DOK5: variants seen among roughly 807,000 people sequenced by gnomAD.
DOK5 encodes the protein downstream of tyrosine kinase 5.
Under a neutral mutation model 43.3 loss-of-function variants are expected in DOK5, and 27 were observed. That is an observed-to-expected ratio of 0.62 (90% CI 0.46 to 0.86). The LOEUF is 0.86. Among genes scored for constraint, DOK5 ranks in the 40% least tolerant of loss-of-function variants. The pLI is 0.00. For missense variants in DOK5, 373 were observed against 392.9 expected (o/e 0.95, Z 0.43); for synonymous variants, 146 against 140.1 (o/e 1.04, Z -0.30).
chr20:54,609,390 G>A (rs927311749), intron 5 of DOK5, among the ~76,000 whole-genome samples: 2 of 152,286 alleles, frequency 1.3e-5, no homozygotes, highest in Non-Finnish European at 1.5e-5. Flanking sequence ...GTTGGCATAT[G>A]TATGTATCAA....
chr20:54,557,909 C>T (rs1252402627), intron 2 of DOK5, among the ~76,000 whole-genome samples: 1 of 152,278 alleles, frequency 6.6e-6, no homozygotes, highest in East Asian at 1.9e-4. Flanking sequence ...CCCTCTTCCC[C>T]GCATAAAATA....
intron 4 of DOK5, 69 bp from the exon 5 acceptor site, chr20:54,591,547 T>C: frequency 1.6e-6 from 2 of 1,242,986 alleles, no homozygotes; most frequent in Non-Finnish European, 2.2e-6. Flanking sequence ...TAAATGCCTC[T>C]ATGTTCCTAC....
At chr20:54,522,340 A>G (rs1568765878) in intron 1 of DOK5, among the ~76,000 whole-genome samples, 1 of 152,198 alleles carries the variant, frequency 6.6e-6, no homozygotes, top group African/African-American at 2.4e-5. Context: ...CTTGCCATAG[A>G]CACTCAATCA....
intron 1 of DOK5, among the ~76,000 whole-genome samples, chr20:54,507,001 T>C (rs576593383): frequency 1.3e-5 from 2 of 152,326 alleles, no homozygotes; most frequent in African/African-American, 4.8e-5. Flanking sequence ...ATCTATAAAA[T>C]AGGAACATCA....
At chr20:54,648,716 C>T (rs1469227711) in intron 7 of DOK5, among the ~76,000 whole-genome samples, 1 of 152,120 alleles carries the variant, frequency 6.6e-6, no homozygotes, top group African/African-American at 2.4e-5. Flanking sequence ...TGAGGGGAAG[C>T]ATTAGAGGGT....
intron 5 of DOK5, among the ~76,000 whole-genome samples, chr20:54,593,969 G>T (rs1167891224): frequency 1.3e-5 from 2 of 152,022 alleles, no homozygotes; most frequent in East Asian, 3.9e-4. Context: ...ACATAGAAGG[G>T]AACAACACAT....
intron 2 of DOK5, among the ~76,000 whole-genome samples, chr20:54,581,698 A>G (rs1985648157): frequency 6.6e-6 from 1 of 151,900 alleles, no homozygotes; most frequent in Admixed American, 6.6e-5. Flanking sequence ...GTTTATTGTT[A>G]GTGTATAGAA....
At chr20:54,506,643 G>A (rs945669922) in intron 1 of DOK5, among the ~76,000 whole-genome samples, 22 of 152,098 alleles carry the variant, frequency 1.4e-4, no homozygotes, top group African/African-American at 5.3e-4. Flanking sequence ...CAAACTTCTT[G>A]TAGAGGCGGA....
chr20:54,625,707 T>G (rs1987112013), intron 6 of DOK5, among the ~76,000 whole-genome samples: 1 of 152,206 alleles, frequency 6.6e-6, no homozygotes, highest in Non-Finnish European at 1.5e-5. Context: ...GCAGGTGATT[T>G]CTTGGCACAG....
chr20:54,579,754 A>C (rs1985576140), intron 2 of DOK5, among the ~76,000 whole-genome samples: 1 of 152,172 alleles, frequency 6.6e-6, no homozygotes, highest in Non-Finnish European at 1.5e-5. Flanking sequence ...AGGGTGGGAT[A>C]ATAGTATATG....
chr20:54,487,765 C>T (rs984175697), intron 1 of DOK5, among the ~76,000 whole-genome samples: 10 of 152,172 alleles, frequency 6.6e-5, no homozygotes, highest in Non-Finnish European at 5.9e-5. Context: ...ATGTATATGT[C>T]ACTTCTCACC....
intron 6 of DOK5, among the ~76,000 whole-genome samples, chr20:54,634,227 G>A (rs1978708052): frequency 6.6e-6 from 1 of 151,802 alleles, no homozygotes; most frequent in Admixed American, 6.6e-5. Flanking sequence ...ATGAGGAAAG[G>A]GCCTTGGCAA....
chr20:54,628,772 A>C (rs1480282947), intron 6 of DOK5, among the ~76,000 whole-genome samples: 2 of 152,176 alleles, frequency 1.3e-5, no homozygotes, highest in Non-Finnish European at 2.9e-5. Context: ...TATGCCCCTC[A>C]CCAAACCATA....
intron 7 of DOK5, among the ~76,000 whole-genome samples, chr20:54,646,248 G>GTTTTTTGTTTTTTT (rs1979415549): frequency 3.1e-4 from 25 of 79,934 alleles, no homozygotes; most frequent in African/African-American, 1.3e-3. Flanking sequence ...TGGTTATACT[G>GTTTTTTGTTTTTTT]TTTTTTTTTT....
chr20:54,571,686 T>G (rs1240096899), intron 2 of DOK5, among the ~76,000 whole-genome samples: 2 of 152,200 alleles, frequency 1.3e-5, no homozygotes, highest in Admixed American at 6.5e-5. Context: ...TGTGGAATCA[T>G]CTTTCTAGAG....
At chr20:54,622,619 G>A (rs1313727236) in intron 6 of DOK5, among the ~76,000 whole-genome samples, 6 of 152,172 alleles carry the variant, frequency 3.9e-5, no homozygotes, top group African/African-American at 9.7e-5. Flanking sequence ...TTATAAACTC[G>A]AAAACTAGTT....
At chr20:54,502,094 G>A (rs1328798430) in intron 1 of DOK5, among the ~76,000 whole-genome samples, 1 of 152,190 alleles carries the variant, frequency 6.6e-6, no homozygotes, top group Admixed American at 6.5e-5. Flanking sequence ...GTTCTGTACT[G>A]ACAGAACGTG....
chr20:54,647,685 C>T lies in DOK5; in HGVS notation c.857-2730C>T, dbSNP rs192494006. Among the ~76,000 whole-genome samples the T allele has an allele frequency of 1.5e-4, 9 of 59,326 alleles. No homozygotes were observed. In the East Asian group the frequency reaches 0.014, roughly 94 times the overall value. 38.9% of individuals were successfully genotyped at this position (59,326 alleles called of 152,430 possible). The stretch of plus-strand genomic sequence containing the variant: ...GAAAGCTAACTCTGGTAGACAGCAC[C>T]TTTCCCCTAAGAAAGGTTACTGTGG... On this transcript the variant is annotated intron_variant, in intron 7 of 7. Coordinates refer to ENST00000262593, the MANE Select transcript of DOK5 (RefSeq NM_018431.5).
At chr20:54,495,831 G>A (rs971560889) in intron 1 of DOK5, among the ~76,000 whole-genome samples, 1 of 152,072 alleles carries the variant, frequency 6.6e-6, no homozygotes, top group African/African-American at 2.4e-5. Context: ...GCAGTGAGCC[G>A]AGATCATGCC....
Sources: allele counts gnomAD v4.1 joint callset (sites outside exome capture counted in the v4.1 genomes callset), GRCh38; gene constraint gnomAD v4.1.1; transcripts MANE v1.5; gene names NCBI Gene and HGNC (gene_info 2026-07-23, HGNC 2026-07-21).